The following PTPRG variants were observed in gnomAD, a reference collection of about 807,000 sequenced individuals.
PTPRG encodes protein tyrosine phosphatase receptor type G, also known as receptor-type tyrosine-protein phosphatase gamma.
PTPRG carries 102 observed loss-of-function variants against 165.3 expected under a neutral mutation model. The ratio of observed to expected loss-of-function variants is 0.62; its 90% CI spans 0.53 to 0.73. The LOEUF is 0.73. PTPRG is among the 30% of genes least tolerant of loss of function. The probability of loss-of-function intolerance (pLI) is 0.00; values close to 1 mark genes in which losing one functional copy is unlikely to be tolerated. For synonymous variants in PTPRG, 675 were observed against 669.5 expected (o/e 1.01, Z -0.13); for missense variants, 1,866 against 1,861.4 (o/e 1.00, Z -0.05).
intron 6 of PTPRG, among the ~76,000 whole-genome samples, chr3:62,150,898 A>G (rs1395261591): frequency 6.6e-6 from 1 of 152,166 alleles, no homozygotes; most frequent in East Asian, 1.9e-4. Context: ...GTGCACTTCC[A>G]CAATTCCTGA....
chr3:61,566,039 T>C (rs1204112894), intron 1 of PTPRG, among the ~76,000 whole-genome samples: 1 of 152,204 alleles, frequency 6.6e-6, no homozygotes, highest in Non-Finnish European at 1.5e-5. Context: ...ATAAAATCTT[T>C]GATGTTTCCT....
rs530618286 is a variant in PTPRG at position 62,182,808 on chromosome 3, C to A, written c.1034-8661C>A. On this transcript the variant is annotated intron_variant, in intron 8 of 29. Coordinates refer to ENST00000474889, the MANE Select transcript of PTPRG (RefSeq NM_002841.4). ...AGTAGCTGGGATTACAGGCACCTGC[C>A]ACCATGCCCAGCTAATTTTTGTATA... 4.6e-5 allele frequency among the ~76,000 whole-genome samples: 7 copies of A among 152,264 alleles called. No homozygotes were observed. The South Asian group carries it at 6.2e-4, about 14-fold the overall frequency.
At chr3:61,815,242 C>CAAA (rs749800087) in intron 2 of PTPRG, among the ~76,000 whole-genome samples, 4 of 110,160 alleles carry the variant, frequency 3.6e-5, no homozygotes, top group African/African-American at 9.2e-5. Flanking sequence ...ACTAAAAATA[C>CAAA]AAAAAAAAAA....
chr3:61,705,781 C>T (rs2031218836), intron 1 of PTPRG, among the ~76,000 whole-genome samples: 2 of 152,336 alleles, frequency 1.3e-5, no homozygotes, highest in South Asian at 4.1e-4. Context: ...ACCCCGTATT[C>T]ATCATTCTTG....
At chr3:61,820,903 A>G (rs1160721522) in intron 2 of PTPRG, among the ~76,000 whole-genome samples, 2 of 151,858 alleles carry the variant, frequency 1.3e-5, no homozygotes, top group East Asian at 1.9e-4. Context: ...TTTATTGGAC[A>G]TGGTGTTTTT....
At chr3:62,123,108 C>T (rs1703140142) in intron 5 of PTPRG, among the ~76,000 whole-genome samples, 2 of 152,228 alleles carry the variant, frequency 1.3e-5, no homozygotes, top group Admixed American at 1.3e-4. Context: ...TGTGTGTCCT[C>T]AGATTCAAGG....
chr3:61,708,523 G>A (rs993969032), intron 1 of PTPRG, among the ~76,000 whole-genome samples: 4 of 139,190 alleles, frequency 2.9e-5, no homozygotes, highest in African/African-American at 5.4e-5. Context: ...GTGCAGTGGC[G>A]CAATCTGGGC....
At chr3:61,852,917 C>G (rs2107370987) in intron 2 of PTPRG, among the ~76,000 whole-genome samples, 1 of 152,298 alleles carries the variant, frequency 6.6e-6, no homozygotes, top group African/African-American at 2.4e-5. Flanking sequence ...TCTCAAAGAC[C>G]TCACCTTTAT....
chr3:61,813,965 GTCTTGGC>G (rs1316002868), intron 2 of PTPRG, among the ~76,000 whole-genome samples: 3 of 147,088 alleles, frequency 2.0e-5, no homozygotes, highest in Middle Eastern at 6.7e-3. Context: ...GCGCAATCTT[GTCTTGGC>G]TCACTGCAAC....
At chr3:61,854,251 C>G (rs1264873748) in intron 2 of PTPRG, among the ~76,000 whole-genome samples, 1 of 152,118 alleles carries the variant, frequency 6.6e-6, no homozygotes, top group Non-Finnish European at 1.5e-5. Flanking sequence ...TTTGTTTAGG[C>G]CACTTTGAGG....
At chr3:61,601,083 T>C (rs1435390425) in intron 1 of PTPRG, among the ~76,000 whole-genome samples, 4 of 152,138 alleles carry the variant, frequency 2.6e-5, no homozygotes, top group Admixed American at 1.3e-4. Flanking sequence ...GACATAACCC[T>C]GTCTCTACCA....
At chr3:62,051,430 G>A (rs1332027017) in intron 4 of PTPRG, among the ~76,000 whole-genome samples, 1 of 152,162 alleles carries the variant, frequency 6.6e-6, no homozygotes, top group African/African-American at 2.4e-5. Flanking sequence ...CAAGAAAAGA[G>A]TGCTTTGAAC....
intron 4 of PTPRG, among the ~76,000 whole-genome samples, chr3:62,042,297 G>A (rs1322810835): frequency 6.6e-6 from 1 of 152,170 alleles, no homozygotes; most frequent in African/African-American, 2.4e-5. Context: ...GAATAAACCT[G>A]GGCTTCACCA....
chr3:61,667,839 A>G (rs1419005791), intron 1 of PTPRG, among the ~76,000 whole-genome samples: 1 of 151,738 alleles, frequency 6.6e-6, no homozygotes, highest in African/African-American at 2.4e-5. Context: ...TTTTAAGTCC[A>G]TTCTGCTGAT....
intron 1 of PTPRG, among the ~76,000 whole-genome samples, chr3:61,579,586 G>T (rs1415241963): frequency 6.6e-6 from 1 of 152,232 alleles, no homozygotes; most frequent in Non-Finnish European, 1.5e-5. Flanking sequence ...AATTTGCCCT[G>T]TATCACGTAA....
chr3:62,124,947 T>C (rs1037841120), intron 5 of PTPRG, among the ~76,000 whole-genome samples: 2 of 152,102 alleles, frequency 1.3e-5, no homozygotes, highest in African/African-American at 2.4e-5. Flanking sequence ...GGTGATTACA[T>C]AAGGGTCTGA....
chr3:62,168,798 C>T (rs1031075706), intron 8 of PTPRG, among the ~76,000 whole-genome samples: 5 of 152,178 alleles, frequency 3.3e-5, no homozygotes, highest in Non-Finnish European at 7.3e-5. Context: ...TTAACCAGCT[C>T]AGTGACCTCT....
chr3:61,617,689 C>G (rs1051213063), intron 1 of PTPRG, among the ~76,000 whole-genome samples: 3 of 152,218 alleles, frequency 2.0e-5, no homozygotes, highest in South Asian at 2.1e-4. Context: ...GAACCTGAAT[C>G]TAACACTGAA....
intron 4 of PTPRG, among the ~76,000 whole-genome samples, chr3:62,055,390 T>A (rs1412085488): frequency 1.3e-5 from 2 of 152,226 alleles, no homozygotes; most frequent in Admixed American, 6.5e-5. Flanking sequence ...AGCTACTGTT[T>A]GTTGAGCTTG....
Sources: gnomAD v4.1 joint callset for allele counts (sites outside exome capture counted in the v4.1 genomes callset) on GRCh38, gnomAD v4.1.1 for gene constraint, MANE v1.5 for transcripts, NCBI Gene and HGNC (gene_info 2026-07-23, HGNC 2026-07-21) for gene names.